The following KANK1 variants were observed in gnomAD, a reference collection of about 807,000 sequenced individuals.
KANK1 encodes KN motif and ankyrin repeat domain-containing protein 1.
A neutral mutation model predicts 106.2 loss-of-function variants in KANK1; 109 were observed. The observed-to-expected ratio is 1.03, with a 90% CI of 0.88 to 1.20. The LOEUF is 1.20. KANK1 is among the 50% of genes most tolerant of loss of function. The probability of loss-of-function intolerance (pLI) is 0.00; values close to 1 mark genes in which losing one functional copy is unlikely to be tolerated. For missense variants in KANK1, 2,399 were observed against 1,710.7 expected, an observed-to-expected ratio of 1.40 and a Z score of -7.10; for synonymous variants, 873 against 652.2, an observed-to-expected ratio of 1.34 and a Z score of -5.16.
intron 1 of KANK1, among the ~76,000 whole-genome samples, chr9:529,258 T>C (rs202075447): frequency 7.4e-5 from 11 of 149,102 alleles, no homozygotes; most frequent in Admixed American, 1.3e-4. Context: ...CACACACATA[T>C]ACACACACAC....
intron 2 of KANK1, among the ~76,000 whole-genome samples, chr9:689,609 C>G (rs963323828): frequency 6.6e-6 from 1 of 152,148 alleles, no homozygotes; most frequent in Non-Finnish European, 1.5e-5. Context: ...AATCCTGTCA[C>G]ACCCTAAGAC....
intron 1 of KANK1, among the ~76,000 whole-genome samples, chr9:522,132 A>G (rs745996557): frequency 6.6e-6 from 1 of 151,814 alleles, no homozygotes; most frequent in Non-Finnish European, 1.5e-5. Flanking sequence ...CTTTGACCAA[A>G]TTTATATCCC....
chr9:498,408 CAAATT>C (rs1186871078), intron 3 of KANK1, among the ~76,000 whole-genome samples: 3 of 151,998 alleles, frequency 2.0e-5, no homozygotes, highest in Admixed American at 6.6e-5. Context: ...GGACACAAGA[CAAATT>C]AGATTTGATG....
intron 2 of KANK1, among the ~76,000 whole-genome samples, chr9:705,899 CA>C (rs1373916966): frequency 6.6e-6 from 1 of 151,820 alleles, no homozygotes; most frequent in Non-Finnish European, 1.5e-5. Flanking sequence ...GCGTGCTCTC[CA>C]AAAAAAATTT....
chr9:538,034 A>G (rs1403172804), intron 1 of KANK1, among the ~76,000 whole-genome samples: 2 of 150,932 alleles, frequency 1.3e-5, no homozygotes, highest in African/African-American at 2.4e-5. Context: ...TAAGCTATTC[A>G]TCCTTTTTTT....
intron 1 of KANK1, among the ~76,000 whole-genome samples, chr9:672,626 C>A (rs765685569): frequency 6.6e-6 from 1 of 152,232 alleles, no homozygotes. Context: ...GAGTATATAT[C>A]AAATCTCAAT....
intron 1 of KANK1, among the ~76,000 whole-genome samples, chr9:531,404 C>G (rs1033955615): frequency 6.6e-6 from 1 of 152,112 alleles, no homozygotes; most frequent in Non-Finnish European, 1.5e-5. Context: ...ACACTCCATC[C>G]TGGGTGACAG....
At chr9:735,402 A>T (rs1833509276) in intron 7 of KANK1, among the ~76,000 whole-genome samples, 2 of 152,242 alleles carry the variant, frequency 1.3e-5, no homozygotes, top group African/African-American at 4.8e-5. Flanking sequence ...CTTAGTGATC[A>T]TGAATGGTAC....
chr9:686,308 G>C lies in KANK1; in HGVS notation c.37+9299G>C, dbSNP rs538234229. On this transcript the variant is annotated intron_variant, in intron 2 of 11. Transcript: ENST00000382297. ...CAACTCAGGGACGCACCACGAATAT[G>C]TTTTTTGGGGCAACCCGTTTGGCAT... Among the ~76,000 whole-genome samples the C allele has an allele frequency of 7.6e-4, 116 of 152,182 alleles. 1 individual carries two copies. Among genetic ancestry groups the C allele is most frequent in the Non-Finnish European group, 1.5e-3 (104 of 68,028 alleles).
At chr9:596,157 A>C (rs1423554355) in intron 1 of KANK1, among the ~76,000 whole-genome samples, 2 of 151,892 alleles carry the variant, frequency 1.3e-5, no homozygotes, top group East Asian at 3.8e-4. Context: ...ACATGAGGTC[A>C]GGTGTGAAAT....
intron 3 of KANK1, 54 bp from the exon 4 acceptor site, chr9:729,997 C>T: frequency 2.0e-6 from 3 of 1,475,252 alleles, no homozygotes; most frequent in Non-Finnish European, 2.8e-6. Context: ...TTTGTTGAAG[C>T]CTGCTTTTTC....
At chr9:505,676 A>C (rs1377079619) in intron 1 of KANK1, among the ~76,000 whole-genome samples, 1 of 152,068 alleles carries the variant, frequency 6.6e-6, no homozygotes, top group African/African-American at 2.4e-5. Flanking sequence ...TGGCGTTAAC[A>C]ATTTATGGCG....
intron 1 of KANK1, among the ~76,000 whole-genome samples, chr9:513,844 C>G (rs58920137): frequency 0.13 from 20,307 of 151,912 alleles, 2,314 homozygotes; most frequent in African/African-American, 0.31. Flanking sequence ...TGGCAAAACC[C>G]CATCTCTACT....
intron 1 of KANK1, among the ~76,000 whole-genome samples, chr9:537,047 G>T (rs530046739): frequency 2.6e-5 from 4 of 152,166 alleles, no homozygotes; most frequent in South Asian, 2.1e-4. Context: ...AGAGAGAAGC[G>T]AGGAGACCAC....
intron 2 of KANK1, among the ~76,000 whole-genome samples, chr9:696,736 C>T (rs952059321): frequency 6.6e-6 from 1 of 152,108 alleles, no homozygotes; most frequent in East Asian, 1.9e-4. Flanking sequence ...CATCACTTTG[C>T]AAGGATAGTG....
chr9:614,979 G>T (rs1013715760), intron 1 of KANK1, among the ~76,000 whole-genome samples: 1 of 151,618 alleles, frequency 6.6e-6, no homozygotes, highest in African/African-American at 2.4e-5. Flanking sequence ...TTGAGACAGG[G>T]TCTCAGGCTG....
At chr9:618,418 G>T (rs1361714086) in intron 1 of KANK1, among the ~76,000 whole-genome samples, 1 of 152,060 alleles carries the variant, frequency 6.6e-6, no homozygotes, top group Non-Finnish European at 1.5e-5. Context: ...ATATCGGCCA[G>T]GCTGGTCTGA....
chr9:626,062 G>A (rs181988651), intron 1 of KANK1, among the ~76,000 whole-genome samples: 4 of 152,282 alleles, frequency 2.6e-5, no homozygotes, highest in Admixed American at 2.0e-4. Context: ...AGTCAGGAGA[G>A]GAGCTATCCC....
intron 1 of KANK1, among the ~76,000 whole-genome samples, chr9:640,185 A>T (rs1563910674): frequency 6.6e-6 from 1 of 152,190 alleles, no homozygotes. Flanking sequence ...CTCACTGCTC[A>T]GGCAGGGGTA....
Sources: allele counts gnomAD v4.1 joint callset (sites outside exome capture counted in the v4.1 genomes callset), GRCh38; gene constraint gnomAD v4.1.1; transcripts MANE v1.5; gene names NCBI Gene and HGNC (gene_info 2026-07-23, HGNC 2026-07-21).